Variants in AKAP12 observed in about 807,000 individuals in gnomAD.
The protein encoded by AKAP12 is A-kinase anchor protein 12.
AKAP12 carries 32 observed loss-of-function variants against 79.9 expected under a neutral mutation model. The ratio of observed to expected loss-of-function variants is 0.40; its 90% CI spans 0.30 to 0.54. The LOEUF (loss-of-function observed/expected upper bound fraction) is 0.54, where lower values mean the gene tolerates loss of function less well. Ranked by LOEUF, AKAP12 falls within the 20% of genes least tolerant of loss-of-function variation. The pLI, the probability that AKAP12 is intolerant of heterozygous loss-of-function variation, is 0.48. For synonymous variants in AKAP12, 808 were observed against 857.0 expected, an observed-to-expected ratio of 0.94 and a Z score of 1.00; for missense variants, 2,074 against 2,177.0, an observed-to-expected ratio of 0.95 and a Z score of 0.94.
intron 3 of AKAP12, among the ~76,000 whole-genome samples, chr6:151,332,508 G>A (rs1328760413): frequency 6.6e-6 from 1 of 152,164 alleles, no homozygotes; most frequent in Non-Finnish European, 1.5e-5. Flanking sequence ...GTGATTAGGT[G>A]TCTCCACCCA....
intron 2 of AKAP12, among the ~76,000 whole-genome samples, chr6:151,294,033 G>C (rs866991190): frequency 6.6e-6 from 1 of 151,864 alleles, no homozygotes; most frequent in African/African-American, 2.4e-5. Context: ...GAGCACAGGG[G>C]CGCAATCTCG....
intron 3 of AKAP12, among the ~76,000 whole-genome samples, chr6:151,344,956 G>A (rs1459702380): frequency 6.6e-6 from 1 of 152,168 alleles, no homozygotes; most frequent in Non-Finnish European, 1.5e-5. Context: ...TGTTTTCAGA[G>A]TAATAAGATT....
chr6:151,353,365 G>T lies in AKAP12; in HGVS notation c.4974G>T (p.Glu1658Asp). The T allele has an allele frequency of 6.2e-7, 1 of 1,614,190 alleles. No individual in the cohort carries two copies. Among genetic ancestry groups the T allele is most frequent in the South Asian group, 1.1e-5 (1 of 91,078 alleles). Reference protein sequence around the residue: ...GSTVNDQQLEEVVLPSEEEGG... With the variant: ...GSTVNDQQLEDVVLPSEEEGG... ...CTGTAAATGATCAGCAGCTGGAAGA[G>T]GTCGTCCTCCCATCTGAGGAAGAGG... Residue 1658 changes from glutamate (E) to aspartate (D), a missense_variant, in exon 4 of 5, where the codon GAG becomes GAT. Glu to Asp is a conservative substitution (Grantham distance 45). Transcript: ENST00000402676.
At chr6:151,240,926 G>A (rs1582825521) in intron 2 of AKAP12, among the ~76,000 whole-genome samples, 1 of 152,238 alleles carries the variant, frequency 6.6e-6, no homozygotes, top group African/African-American at 2.4e-5. Context: ...GGCGAGCGCG[G>A]CGGGGGGCTT....
rs374740675 is a variant in AKAP12, at chr6:151,349,877, G to A, written c.1486G>A (p.Val496Ile). The A allele has an allele frequency of 2.8e-5, 45 of 1,614,062 alleles. No individual in the cohort carries two copies. Among genetic ancestry groups the A allele is most frequent in the African/African-American group, 8.0e-5 (6 of 74,930 alleles). ...GGTGCTGTCCAAACCCCCCGAAGGC[G>A]TTGTGAGTGAGGTGGAAATGCTGTC... Reference protein sequence around the residue: ...EKVLSKPPEGVVSEVEMLSSQ... With the variant: ...EKVLSKPPEGIVSEVEMLSSQ... The change falls in exon 4 of 5, where the codon GTT (valine) becomes ATT (isoleucine). Residue 496 changes from valine to isoleucine, a missense_variant. This residue lies in a region of AKAP12 where 1,428 missense variants were observed against 1,451.0 expected (regional missense o/e 0.98). Coordinates refer to ENST00000402676, the MANE Select transcript of AKAP12 (RefSeq NM_005100.4).
chr6:151,272,424 C>G (rs920698712), intron 2 of AKAP12, among the ~76,000 whole-genome samples: 1 of 149,946 alleles, frequency 6.7e-6, no homozygotes, highest in Non-Finnish European at 1.5e-5. Flanking sequence ...TTTCTAGTTT[C>G]TTAAACTAGA....
At chr6:151,258,721 T>C (rs1210848775) in intron 2 of AKAP12, among the ~76,000 whole-genome samples, 1 of 148,250 alleles carries the variant, frequency 6.7e-6, no homozygotes, top group Non-Finnish European at 1.5e-5. Flanking sequence ...TCTTGGCTCC[T>C]GGGTTCAAGT....
chr6:151,302,394 A>G (rs1007114584), intron 2 of AKAP12, among the ~76,000 whole-genome samples: 3 of 152,100 alleles, frequency 2.0e-5, no homozygotes, highest in Non-Finnish European at 4.4e-5. Context: ...TTTTGGGCTC[A>G]AGCAATCCTC....
At chr6:151,324,755 G>A in intron 3 of AKAP12, 1 of 985,284 alleles carries the variant, frequency 1.0e-6, no homozygotes, top group Non-Finnish European at 1.2e-6. Context: ...ACAAAAAATT[G>A]GAGTACAAAA....
chr6:151,285,384 C>CTGTGTGTGTGTGTG (rs10680283), intron 2 of AKAP12, among the ~76,000 whole-genome samples: 3,207 of 136,458 alleles, frequency 0.024, 65 homozygotes, highest in African/African-American at 0.037. Flanking sequence ...CTGCATTTCA[C>CTGTGTGTGTGTGTG]TGTGTGTGTG....
At chr6:151,342,101 C>T (rs1261578887) in intron 3 of AKAP12, among the ~76,000 whole-genome samples, 3 of 152,206 alleles carry the variant, frequency 2.0e-5, no homozygotes, top group Non-Finnish European at 4.4e-5. Context: ...GGGAGGTGGG[C>T]GGCAGGGCAG....
At chr6:151,334,130 A>C (rs1050940135) in intron 3 of AKAP12, among the ~76,000 whole-genome samples, 29 of 152,212 alleles carry the variant, frequency 1.9e-4, no homozygotes, top group African/African-American at 5.3e-4. Flanking sequence ...CAAAACAAAA[A>C]CAGAAAAGGG....
chr6:151,276,248 T>C (rs912642555), intron 2 of AKAP12, among the ~76,000 whole-genome samples: 2 of 152,214 alleles, frequency 1.3e-5, no homozygotes, highest in Admixed American at 6.5e-5. Flanking sequence ...AATTTAAATG[T>C]AGCAAAGCTA....
intron 3 of AKAP12, among the ~76,000 whole-genome samples, chr6:151,310,955 T>C (rs1777085791): frequency 6.6e-6 from 1 of 152,180 alleles, no homozygotes; most frequent in South Asian, 2.1e-4. Context: ...ACAATGGCAA[T>C]CTTTTCCTTA....
intron 2 of AKAP12, among the ~76,000 whole-genome samples, chr6:151,252,072 G>C (rs772654485): frequency 1.3e-5 from 2 of 152,190 alleles, no homozygotes; most frequent in Non-Finnish European, 2.9e-5. Context: ...ATGACAGAGG[G>C]CTTCCGTGAA....
chr6:151,262,435 C>T (rs1797457576), intron 2 of AKAP12, among the ~76,000 whole-genome samples: 1 of 152,150 alleles, frequency 6.6e-6, no homozygotes, highest in African/African-American at 2.4e-5. Flanking sequence ...TCAACTTTCC[C>T]ACACCTTGGG....
chr6:151,312,793 C>CAAAAAAAAAAAAAAAAAAAAAA (rs55685824), intron 3 of AKAP12, among the ~76,000 whole-genome samples: 40 of 72,984 alleles, frequency 5.5e-4, no homozygotes, highest in African/African-American at 1.8e-3. Flanking sequence ...ACTCTGTCTC[C>CAAAAAAAAAAAAAAAAAAAAAA]AAAAAAAAAA....
chr6:151,292,249 G>A (rs779774591), intron 2 of AKAP12, among the ~76,000 whole-genome samples: 2 of 152,176 alleles, frequency 1.3e-5, no homozygotes, highest in Non-Finnish European at 2.9e-5. Flanking sequence ...CTGAAAAGGA[G>A]ACAAGCAATT....
intron 3 of AKAP12, among the ~76,000 whole-genome samples, chr6:151,347,706 C>G (rs948095796): frequency 6.6e-6 from 1 of 152,158 alleles, no homozygotes; most frequent in African/African-American, 2.4e-5. Flanking sequence ...TGAATTGCCT[C>G]GCATTAAAGA....
Sources: allele counts gnomAD v4.1 joint callset (sites outside exome capture counted in the v4.1 genomes callset), GRCh38; gene constraint gnomAD v4.1.1; regional missense constraint gnomAD v4.1.1; transcripts MANE v1.5; gene names NCBI Gene and HGNC (gene_info 2026-07-23, HGNC 2026-07-21).